The following THRB variants were observed in gnomAD, a reference collection of about 807,000 sequenced individuals.
The protein encoded by THRB is nuclear receptor subfamily 1 group A member 2.
A neutral mutation model predicts 47.8 loss-of-function variants in THRB; 12 were observed. That is an observed-to-expected ratio of 0.25 (90% CI 0.16 to 0.41). The LOEUF is 0.41. Among genes scored for constraint, THRB ranks in the 10% least tolerant of loss-of-function variants. The pLI is 1.00. For missense variants in THRB, 348 were observed against 589.2 expected (o/e 0.59, Z 4.24); for synonymous variants, 218 against 212.2 (o/e 1.03, Z -0.24).
chr3:24,346,280 T>G (rs1025567109), intron 1 of THRB, among the ~76,000 whole-genome samples: 1 of 152,048 alleles, frequency 6.6e-6, no homozygotes, highest in Non-Finnish European at 1.5e-5. Context: ...TATATACTAA[T>G]AAATTAATGA....
At chr3:24,415,120 C>T (rs976184219) in intron 1 of THRB, among the ~76,000 whole-genome samples, 4 of 151,906 alleles carry the variant, frequency 2.6e-5, no homozygotes, top group Middle Eastern at 3.4e-3. Flanking sequence ...GCAAGGCATA[C>T]TTAAACATCC....
At chr3:24,468,383 T>C (rs2074310136) in intron 1 of THRB, among the ~76,000 whole-genome samples, 1 of 152,256 alleles carries the variant, frequency 6.6e-6, no homozygotes, top group African/African-American at 2.4e-5. Context: ...ATGTACAATT[T>C]GGCTGTTTGG....
intron 4 of THRB, among the ~76,000 whole-genome samples, chr3:24,209,386 T>C (rs954354459): frequency 1.3e-5 from 2 of 152,240 alleles, no homozygotes; most frequent in African/African-American, 4.8e-5. Context: ...CGTATGTTCA[T>C]TGTGGCACTA....
At chr3:24,273,288 A>G (rs2053546503) in intron 3 of THRB, among the ~76,000 whole-genome samples, 1 of 152,176 alleles carries the variant, frequency 6.6e-6, no homozygotes, top group African/African-American at 2.4e-5. Context: ...ACTCTGGCAC[A>G]CCTTTAAGTG....
At chr3:24,265,159 G>C (rs1292030417) in intron 3 of THRB, among the ~76,000 whole-genome samples, 1 of 152,070 alleles carries the variant, frequency 6.6e-6, no homozygotes, top group African/African-American at 2.4e-5. Flanking sequence ...ACATGGTCTT[G>C]GTCTACTTGG....
intron 1 of THRB, among the ~76,000 whole-genome samples, chr3:24,362,634 T>C (rs942264551): frequency 4.6e-5 from 7 of 152,204 alleles, no homozygotes; most frequent in Non-Finnish European, 1.0e-4. Context: ...TTGATTATAG[T>C]GTCTCCAGTG....
chr3:24,160,191 A>G (rs913563519), intron 5 of THRB, among the ~76,000 whole-genome samples: 4 of 152,198 alleles, frequency 2.6e-5, no homozygotes, highest in African/African-American at 9.6e-5. Flanking sequence ...CTAGGGTGAC[A>G]GAGAGAGGAA....
chr3:24,426,571 A>T (rs2150343148), intron 1 of THRB, among the ~76,000 whole-genome samples: 1 of 152,052 alleles, frequency 6.6e-6, no homozygotes, highest in South Asian at 2.1e-4. Context: ...AGCCATAAAA[A>T]TAGTGTACCC....
chr3:24,398,971 C>T (rs551062578), intron 1 of THRB, among the ~76,000 whole-genome samples: 45 of 151,928 alleles, frequency 3.0e-4, no homozygotes, highest in African/African-American at 7.0e-4. Flanking sequence ...AGCAAACTAT[C>T]GCAAGGACAA....
chr3:24,369,116 C>T (rs1289162500), intron 1 of THRB, among the ~76,000 whole-genome samples: 1 of 152,172 alleles, frequency 6.6e-6, no homozygotes, highest in African/African-American at 2.4e-5. Context: ...ATCCTCCCTC[C>T]TCAGCCTCCT....
At chr3:24,487,353 C>T (rs998512612) in intron 1 of THRB, among the ~76,000 whole-genome samples, 6 of 151,992 alleles carry the variant, frequency 3.9e-5, no homozygotes, top group African/African-American at 1.2e-4. Context: ...AGCACACACA[C>T]ACACACACAC....
At chr3:24,248,428 A>T (rs2050326725) in intron 3 of THRB, among the ~76,000 whole-genome samples, 1 of 151,692 alleles carries the variant, frequency 6.6e-6, no homozygotes, top group African/African-American at 2.4e-5. Flanking sequence ...AGTACAATGA[A>T]TAAAGCTGGT....
chr3:24,277,668 G>C (rs891373988), intron 3 of THRB, among the ~76,000 whole-genome samples: 1 of 152,126 alleles, frequency 6.6e-6, no homozygotes, highest in African/African-American at 2.4e-5. Flanking sequence ...TTATATTTAT[G>C]TCATTTACCA....
At chr3:24,424,014 T>C (rs1273434327) in intron 1 of THRB, among the ~76,000 whole-genome samples, 2 of 151,930 alleles carry the variant, frequency 1.3e-5, no homozygotes, top group Non-Finnish European at 2.9e-5. Context: ...TCAAAGCATT[T>C]ATAGTTCAGT....
At chr3:24,381,047 G>A (rs948189466) in intron 1 of THRB, among the ~76,000 whole-genome samples, 4 of 151,008 alleles carry the variant, frequency 2.6e-5, no homozygotes, top group Non-Finnish European at 4.4e-5. Context: ...CTTGGGAGGC[G>A]GAGGTTGCAG....
intron 5 of THRB, among the ~76,000 whole-genome samples, chr3:24,159,217 T>C (rs1163006136): frequency 6.6e-6 from 1 of 152,190 alleles, no homozygotes; most frequent in Non-Finnish European, 1.5e-5. Flanking sequence ...TACATAAACA[T>C]ACATAAAAGG....
chr3:24,147,513 C>T (rs2036248226), intron 6 of THRB, among the ~76,000 whole-genome samples: 1 of 152,194 alleles, frequency 6.6e-6, no homozygotes, highest in South Asian at 2.1e-4. Flanking sequence ...TATCTGTAGA[C>T]ATACACCTAC....
chr3:24,207,103 CCAAT>C (rs747447544), intron 4 of THRB, among the ~76,000 whole-genome samples: 1 of 152,164 alleles, frequency 6.6e-6, no homozygotes, highest in Non-Finnish European at 1.5e-5. Flanking sequence ...TGAAACTATT[CCAAT>C]CAATAGAAAA....
intron 4 of THRB, among the ~76,000 whole-genome samples, chr3:24,219,598 A>G (rs1406928725): frequency 2.0e-5 from 3 of 152,230 alleles, no homozygotes; most frequent in Non-Finnish European, 4.4e-5. Context: ...GTAGAGCATC[A>G]CTAATTACAT....
Sources: gnomAD v4.1 joint callset for allele counts (sites outside exome capture counted in the v4.1 genomes callset) on GRCh38, gnomAD v4.1.1 for gene constraint, MANE v1.5 for transcripts, NCBI Gene and HGNC (gene_info 2026-07-23, HGNC 2026-07-21) for gene names.